Variants in ADGRB1 observed in about 807,000 individuals in gnomAD.
ADGRB1 encodes the protein brain-specific angiogenesis inhibitor 1.
Under a neutral mutation model 175.7 loss-of-function variants are expected in ADGRB1, and 36 were observed. That is an observed-to-expected ratio of 0.20 (90% CI 0.16 to 0.27). The LOEUF (loss-of-function observed/expected upper bound fraction) is 0.27, where lower values mean the gene tolerates loss of function less well. Ranked by LOEUF, ADGRB1 falls within the 10% of genes least tolerant of loss-of-function variation. ADGRB1 has a pLI of 1.00. For missense variants in ADGRB1, 1,731 were observed against 2,255.3 expected, an observed-to-expected ratio of 0.77 and a Z score of 4.71; for synonymous variants, 1,054 against 979.4, an observed-to-expected ratio of 1.08 and a Z score of -1.42.
chr8:142,450,026 C>G lies in ADGRB1; in HGVS notation c.-298C>G, dbSNP rs1437917600. 6.7e-6 allele frequency: 1 copy of G among 149,762 alleles called. No individual in the cohort carries two copies. Among genetic ancestry groups the G allele is most frequent in the Non-Finnish European group, 1.5e-5 (1 of 66,862 alleles). 9.3% of individuals were successfully genotyped at this position (149,762 alleles called of 1,614,324 possible). ...CCGGTCGGGCGCCCGGCTCAGCCGC[C>G]GGCGACGCGAGGCGCTCGCGGGGAT... is the stretch of plus-strand genomic sequence containing the variant. On this transcript the variant is annotated 5_prime_UTR_variant, in exon 1 of 31. Coordinates refer to ENST00000517894, the MANE Select transcript of ADGRB1 (RefSeq NM_001702.3).
At chr8:142,520,357 ATGATGGTGG>A (rs1843723195) in intron 19 of ADGRB1, among the ~76,000 whole-genome samples, 1 of 136,346 alleles carries the variant, frequency 7.3e-6, no homozygotes, top group Non-Finnish European at 1.6e-5. Context: ...TGATTGTATG[ATGATGGTGG>A]TGATGGTGGT....
Position 142,520,816 on chromosome 8 carries a change from T to G in ADGRB1, c.2922-7T>G. ...GTGCTGACCTTGGGCCCCTGCACTC[T>G]CCACAGGTACATTCGCTCAGAGCGT... On this transcript the variant is annotated splice_polypyrimidine_tract_variant and splice_region_variant and intron_variant, in intron 19 of 30. Transcript: ENST00000517894. 6.2e-7 allele frequency: 1 copy of G among 1,612,648 alleles called. No individual in the cohort carries two copies. The highest frequency in any genetic ancestry group is 8.5e-7 in the Non-Finnish European group (1 of 1,178,896).
At chr8:142,498,539 C>T (rs1218477046) in intron 17 of ADGRB1, among the ~76,000 whole-genome samples, 2 of 152,098 alleles carry the variant, frequency 1.3e-5, no homozygotes, top group African/African-American at 2.4e-5. Flanking sequence ...GCACAGAATT[C>T]GTAGATCTGG....
intron 21 of ADGRB1, 71 bp from the exon 22 acceptor site, chr8:142,522,570 G>C: frequency 2.1e-6 from 3 of 1,441,448 alleles, no homozygotes; most frequent in Non-Finnish European, 1.9e-6. Flanking sequence ...CTTCACGGCA[G>C]GGCTAGGAGG....
At position 142,464,384 on chromosome 8, in the gene ADGRB1, G is replaced by A. The variant is rs1414542694; in HGVS notation, c.186G>A (p.Pro62=). The stretch of plus-strand genomic sequence containing the variant: ...ACTTCTCCGCGGCCGCCGTGTTCCC[G>A]GCCAACGCCTCGCGCTGCTCCTGGA... ...FGYFSAAAVF[P]ANASRCSWTL... is the part of the protein sequence containing the mutation. The change falls in exon 2 of 31, where the codon CCG becomes CCA. Residue 62 remains proline, a synonymous_variant. Transcript: ENST00000517894. 3 of 1,525,624 alleles carry A rather than the reference G, an allele frequency of 2.0e-6. No individual in the cohort carries two copies. Among genetic ancestry groups the A allele is most frequent in the East Asian group, 2.6e-5 (1 of 38,254 alleles). The allele number at this position is 1,525,624 out of a possible 1,614,324, so 94.5% of individuals were successfully genotyped here. A position where few individuals can be genotyped will look rare whatever the true frequency, so the allele number is the denominator to read the frequency against.
At chr8:142,451,083 C>T (rs1266573566) in intron 1 of ADGRB1, among the ~76,000 whole-genome samples, 2 of 152,168 alleles carry the variant, frequency 1.3e-5, no homozygotes, top group African/African-American at 2.4e-5. Flanking sequence ...GAGCTCTGGA[C>T]CCGGCCAGGA....
At chr8:142,479,132 G>A (rs1186609185) in intron 7 of ADGRB1, 191 bp from the exon 8 acceptor site, 3 of 565,100 alleles carry the variant, frequency 5.3e-6, no homozygotes, top group East Asian at 6.9e-5. Context: ...TTTGTATCAG[G>A]CTGATGACTG....
At chr8:142,489,800 C>T (rs1380953312) in intron 16 of ADGRB1, among the ~76,000 whole-genome samples, 1 of 152,170 alleles carries the variant, frequency 6.6e-6, no homozygotes, top group Admixed American at 6.5e-5. Flanking sequence ...TGTAAGTACA[C>T]CCTCTGCCGG....
At position 142,523,837 on chromosome 8, in the gene ADGRB1, G is replaced by A. The variant is rs181140665; in HGVS notation, c.3246-401G>A. Reference sequence around the variant, plus strand: ...GCATAGGACCAGGTGCTGAGGCCACGGGGCCTGAGCCCCAGCATTCAAGCA... The same window carrying A: ...GCATAGGACCAGGTGCTGAGGCCACAGGGCCTGAGCCCCAGCATTCAAGCA... On this transcript the variant is annotated intron_variant, in intron 22 of 30. Coordinates refer to ENST00000517894, the MANE Select transcript of ADGRB1 (RefSeq NM_001702.3). Among the ~76,000 whole-genome samples the A allele has an allele frequency of 2.6e-3, 403 of 152,174 alleles. 2 individuals are homozygous for A. Among genetic ancestry groups the A allele is most frequent in the Non-Finnish European group, 4.8e-3 (327 of 67,978 alleles).
rs1439214777 is a variant in ADGRB1 at position 142,510,294 on chromosome 8, C to A, written c.2676-638C>A. Among the ~76,000 whole-genome samples, 1 of 151,954 alleles carries A rather than the reference C, an allele frequency of 6.6e-6. No homozygotes were observed. Among genetic ancestry groups the A allele is most frequent in the African/African-American group, 2.4e-5 (1 of 41,394 alleles). ...CAGAGGGAAGTTTCCAGCGGCAAGC[C>A]TCCCCGCGGGGAAGGCTGTGTCTGT... On this transcript the variant is annotated intron_variant, in intron 17 of 30. Coordinates refer to ENST00000517894, the MANE Select transcript of ADGRB1 (RefSeq NM_001702.3). This position sits in a 1 kb window ranked among gnomAD's most constrained non-coding sequence, Gnocchi z 6.3.
At position 142,522,126 on chromosome 8, in the gene ADGRB1, G is replaced by T. The variant is rs376891883; in HGVS notation, c.3175+11G>T. ...TCTGCCTGGGCTGGGGTGAGCCGCG[G>T]CCTTCCCGACCCTCCTGGACAGATA... is the stretch of plus-strand genomic sequence containing the variant. On this transcript the variant is annotated intron_variant, in intron 21 of 30. Transcript: ENST00000517894. The T allele has an allele frequency of 4.0e-4, 648 of 1,605,796 alleles. 1 individual carries two copies. The African/African-American group carries it at 7.2e-3, about 18-fold the overall frequency.
intron 25 of ADGRB1, among the ~76,000 whole-genome samples, chr8:142,534,743 G>A (rs1844828491): frequency 6.6e-6 from 1 of 152,220 alleles, no homozygotes. Context: ...TGGGGACAGA[G>A]GCAGCCCAGG....
chr8:142,533,495 G>C (rs1221718264), intron 25 of ADGRB1, 29 bp downstream of exon 25: 10 of 1,565,922 alleles, frequency 6.4e-6, no homozygotes, highest in Non-Finnish European at 8.7e-6. Context: ...GTCGGGCCGG[G>C]CTCCTGCGGG....
chr8:142,468,209 CGTGT>C lies in ADGRB1; in HGVS notation c.784+3241_784+3244del, dbSNP rs373888504. Among the ~76,000 whole-genome samples the C allele has an allele frequency of 5.5e-4, 82 of 150,152 alleles. 1 individual carries two copies. The highest frequency in any genetic ancestry group is 6.9e-3 in the Middle Eastern group (2 of 288). ...GGGTGCCCCCATGTAAGTGTGGGTG[CGTGT>C]GTGTGTGTGTGTGCGTGTGCAGTAC... On this transcript the variant is annotated intron_variant, in intron 2 of 30. Transcript: ENST00000517894.
chr8:142,503,866 G>A (rs918713603), intron 17 of ADGRB1, among the ~76,000 whole-genome samples: 22 of 152,268 alleles, frequency 1.4e-4, no homozygotes, highest in South Asian at 6.2e-4. Context: ...GTGTGGCGGC[G>A]CCAGGTGGGA....
At chr8:142,486,750 G>A (rs1049607600) in intron 13 of ADGRB1, among the ~76,000 whole-genome samples, 5 of 152,226 alleles carry the variant, frequency 3.3e-5, no homozygotes, top group African/African-American at 4.8e-5. Flanking sequence ...TAGGCACAGC[G>A]GCTCACGCCT....
chr8:142,476,167 G>A (rs150777909), intron 3 of ADGRB1, among the ~76,000 whole-genome samples: 3 of 152,342 alleles, frequency 2.0e-5, no homozygotes, highest in African/African-American at 2.4e-5. Flanking sequence ...GTTAAATCAC[G>A]TTGTAATGAG....
chr8:142,476,656 G>T lies in ADGRB1; in HGVS notation c.1018G>T (p.Asp340Tyr). Residue 340 changes from aspartate to tyrosine, a missense_variant, in exon 4 of 31, where the codon GAC becomes TAC. Physicochemically the swap from Asp to Tyr is radical, Grantham distance 160 (BLOSUM62 -3). Around this residue, in one of 8 missense-constraint regions of ADGRB1, gnomAD observed 178 missense variants for 227.8 expected, o/e 0.78. Coordinates refer to ENST00000517894, the MANE Select transcript of ADGRB1 (RefSeq NM_001702.3). ...TDARRREELG[D>Y]ELQQFGFPAP... ...TGCCCGGCGGCGCGAGGAGCTGGGG[G>T]ACGAGCTGCAGCAGTTTGGGTTCCC... The T allele has an allele frequency of 6.5e-7, 1 of 1,548,032 alleles. No homozygotes were observed. Among genetic ancestry groups the T allele is most frequent in the Non-Finnish European group, 8.7e-7 (1 of 1,145,868 alleles).
chr8:142,476,810 C>G (rs1423018250), intron 4 of ADGRB1, 115 bp downstream of exon 4: 1 of 1,115,900 alleles, frequency 9.0e-7, no homozygotes, highest in African/African-American at 1.6e-5. Flanking sequence ...CTAGACTAAA[C>G]CCTTAGGTGC....
Sources: gnomAD v4.1 joint callset for allele counts (sites outside exome capture counted in the v4.1 genomes callset) on GRCh38, gnomAD v4.1.1 for gene constraint, gnomAD v4.1.1 regional missense constraint, Gnocchi (gnomAD v3.1) non-coding constraint, MANE v1.5 for transcripts, NCBI Gene and HGNC (gene_info 2026-07-23, HGNC 2026-07-21) for gene names.